OLFM2: variants seen among roughly 807,000 people sequenced by gnomAD.
The protein encoded by OLFM2 is olfactomedin 2.
A neutral mutation model predicts 43.9 loss-of-function variants in OLFM2; 20 were observed. The ratio of observed to expected loss-of-function variants is 0.46; its 90% CI spans 0.32 to 0.66. The LOEUF (loss-of-function observed/expected upper bound fraction) is 0.66, where lower values mean the gene tolerates loss of function less well. Ranked by LOEUF, OLFM2 falls within the 30% of genes least tolerant of loss-of-function variation. The probability of loss-of-function intolerance (pLI) is 0.04; values close to 1 mark genes in which losing one functional copy is unlikely to be tolerated. For missense variants in OLFM2, 416 were observed against 643.6 expected, an observed-to-expected ratio of 0.65 and a Z score of 3.83; for synonymous variants, 268 against 278.6, an observed-to-expected ratio of 0.96 and a Z score of 0.38.
At chr19:9,866,100 AAAAT>A (rs2046400768) in intron 1 of OLFM2, among the ~76,000 whole-genome samples, 1 of 152,200 alleles carries the variant, frequency 6.6e-6, no homozygotes, top group African/African-American at 2.4e-5. Context: ...TGGTTTTCCT[AAAAT>A]AATTGTCTGC....
chr19:9,928,562 A>T (rs2086465981), intron 1 of OLFM2, among the ~76,000 whole-genome samples: 1 of 151,922 alleles, frequency 6.6e-6, no homozygotes, highest in Non-Finnish European at 1.5e-5. Flanking sequence ...CCCAGCACTG[A>T]GGGAGGCCAA....
At chr19:9,898,315 A>G (rs1000935216) in intron 1 of OLFM2, among the ~76,000 whole-genome samples, 2 of 148,528 alleles carry the variant, frequency 1.3e-5, no homozygotes, top group Admixed American at 1.3e-4. Context: ...TGAGGTCAGG[A>G]GTTCGAGACC....
chr19:9,865,480 T>C (rs2046393970), intron 1 of OLFM2, among the ~76,000 whole-genome samples: 1 of 136,084 alleles, frequency 7.3e-6, no homozygotes, highest in Non-Finnish European at 1.6e-5. Flanking sequence ...ACCTCTCTGT[T>C]TTTTCTTTTT....
rs147741664 is a variant in OLFM2 at position 9,934,366 on chromosome 19, C to T, written c.63+1938G>A. On this transcript the variant is annotated intron_variant, in intron 1 of 5. Coordinates refer to ENST00000264833, the MANE Select transcript of OLFM2 (RefSeq NM_058164.4). ...CCCCGTTGTCCTTTAGCCCCGCCTCCACTGACCTCGTTAGTCCCGCCCCCA... is the reference window on the plus strand; with the variant it reads ...CCCCGTTGTCCTTTAGCCCCGCCTCTACTGACCTCGTTAGTCCCGCCCCCA... Among the ~76,000 whole-genome samples, 613 of 152,262 alleles carry T rather than the reference C, an allele frequency of 4.0e-3. 7 individuals are homozygous for T. The highest frequency in any genetic ancestry group is 2.8e-3 in the Non-Finnish European group (190 of 67,992).
chr19:9,870,466 A>G (rs2046433387), intron 1 of OLFM2, among the ~76,000 whole-genome samples: 1 of 152,120 alleles, frequency 6.6e-6, no homozygotes, highest in African/African-American at 2.4e-5. Flanking sequence ...TTTCCAGAAT[A>G]TCTCCTTGCT....
Position 9,857,490 on chromosome 19 carries a change from T to G in OLFM2, c.361-8A>C. The G allele has an allele frequency of 6.2e-7, 1 of 1,613,056 alleles. No individual in the cohort carries two copies. Among genetic ancestry groups the G allele is most frequent in the East Asian group, 2.2e-5 (1 of 44,882 alleles). On this transcript the variant is annotated splice_polypyrimidine_tract_variant and splice_region_variant and intron_variant, in intron 3 of 5. Coordinates refer to ENST00000264833, the MANE Select transcript of OLFM2 (RefSeq NM_058164.4). The surrounding 1 kb of genome is among the most constrained non-coding windows in gnomAD (Gnocchi z 5.7). Reference sequence around the variant, plus strand: ...CATCCTGTCCTTCAGCTCCTGTGCATCAAGATGGAACCATGGCCAAGCCTG... The same window carrying G: ...CATCCTGTCCTTCAGCTCCTGTGCAGCAAGATGGAACCATGGCCAAGCCTG...
At chr19:9,908,115 C>T (rs1354441588) in intron 1 of OLFM2, among the ~76,000 whole-genome samples, 1 of 152,120 alleles carries the variant, frequency 6.6e-6, no homozygotes, top group African/African-American at 2.4e-5. Context: ...CACCTCCTCT[C>T]CCTCTTCCGC....
chr19:9,920,704 T>G (rs2086413790), intron 1 of OLFM2, among the ~76,000 whole-genome samples: 1 of 146,686 alleles, frequency 6.8e-6, no homozygotes, highest in Non-Finnish European at 1.5e-5. Context: ...GAGACCACCC[T>G]GGCCAACATG....
Position 9,854,121 on chromosome 19 carries a change from C to T in OLFM2, c.*65G>A. 1 of 1,446,922 alleles carries T rather than the reference C, an allele frequency of 6.9e-7. No homozygotes were observed. The highest frequency in any genetic ancestry group is 9.7e-7 in the Non-Finnish European group (1 of 1,035,780). 89.6% of individuals were successfully genotyped at this position (1,446,922 alleles called of 1,614,324 possible). On this transcript the variant is annotated 3_prime_UTR_variant, in exon 6 of 6. Transcript: ENST00000264833. The surrounding 1 kb of genome is among the most constrained non-coding windows in gnomAD (Gnocchi z 9.5). Reference sequence around the variant, plus strand: ...AGAGATCACCCTTGAGGGACACAGGCAGAATGAAAAGGGCCCCCAGCCCCC... The same window carrying T: ...AGAGATCACCCTTGAGGGACACAGGTAGAATGAAAAGGGCCCCCAGCCCCC...
At chr19:9,921,587 C>T (rs187396511) in intron 1 of OLFM2, among the ~76,000 whole-genome samples, 1 of 152,082 alleles carries the variant, frequency 6.6e-6, no homozygotes, top group East Asian at 1.9e-4. Flanking sequence ...CTCCCGGGCT[C>T]ATGCCATTCT....
Position 9,877,831 on chromosome 19 carries a change from ATTT to A in OLFM2, c.64-17040_64-17038del, listed in dbSNP as rs113203437. Among the ~76,000 whole-genome samples the A allele has an allele frequency of 1.6e-3, 240 of 150,004 alleles. 1 individual carries two copies. The highest frequency in any genetic ancestry group is 5.6e-3 in the African/African-American group (230 of 40,874). On this transcript the variant is annotated intron_variant, in intron 1 of 5. Transcript: ENST00000264833. Reference sequence around the variant, plus strand: ...CCAGTCTCCAGAACTGGAAAAATAAATTTTTTTTTTTAAGAAAGATTAATTAAT... The same window carrying A: ...CCAGTCTCCAGAACTGGAAAAATAAATTTTTTTTAAGAAAGATTAATTAAT...
chr19:9,934,218 G>A (rs1324512218), intron 1 of OLFM2, among the ~76,000 whole-genome samples: 1 of 152,140 alleles, frequency 6.6e-6, no homozygotes, highest in African/African-American at 2.4e-5. Flanking sequence ...CGCCAAGGGG[G>A]TGTATGGGGC....
At chr19:9,889,895 G>C (rs1440214019) in intron 1 of OLFM2, among the ~76,000 whole-genome samples, 1 of 151,180 alleles carries the variant, frequency 6.6e-6, no homozygotes, top group African/African-American at 2.4e-5. Flanking sequence ...GTTATTTATA[G>C]ACGAATCCTG....
chr19:9,857,925 C>T lies in OLFM2; in HGVS notation c.214-64G>A. 1.2e-6 allele frequency: 2 copies of T among 1,602,176 alleles called. No homozygotes were observed. Among genetic ancestry groups the T allele is most frequent in the Admixed American group, 3.3e-5 (2 of 59,742 alleles). Reference sequence around the variant, plus strand: ...CCCAAATCCCAACCCAGAGATGCCACAGACAAGAGCTGGCAGGAACAGAGG... The same window carrying T: ...CCCAAATCCCAACCCAGAGATGCCATAGACAAGAGCTGGCAGGAACAGAGG... On this transcript the variant is annotated intron_variant, in intron 2 of 5. Transcript: ENST00000264833. This position sits in a 1 kb window ranked among gnomAD's most constrained non-coding sequence, Gnocchi z 5.7.
chr19:9,874,686 G>C lies in OLFM2; in HGVS notation c.64-13892C>G, dbSNP rs948373122. On this transcript the variant is annotated intron_variant, in intron 1 of 5. Transcript: ENST00000264833. ...AGTAGAGATGGGGTTTCACCATGTT[G>C]GCCAGGCTGGTCTCAAATTGCTGAC... Among the ~76,000 whole-genome samples, 3 of 152,060 alleles carry C rather than the reference G, an allele frequency of 2.0e-5. No homozygotes were observed. In the South Asian group the frequency reaches 6.2e-4, roughly 32 times the overall value.
intron 1 of OLFM2, among the ~76,000 whole-genome samples, chr19:9,889,275 G>T (rs2046617552): frequency 6.6e-6 from 1 of 151,902 alleles, no homozygotes; most frequent in South Asian, 2.1e-4. Flanking sequence ...TTTGAGATAG[G>T]CTCTTGCTCT....
At chr19:9,925,220 G>A (rs1400064037) in intron 1 of OLFM2, among the ~76,000 whole-genome samples, 7 of 152,020 alleles carry the variant, frequency 4.6e-5, no homozygotes, top group East Asian at 1.9e-4. Flanking sequence ...TCACACCACC[G>A]CACTCTAGCC....
chr19:9,872,811 C>T (rs911129309), intron 1 of OLFM2, among the ~76,000 whole-genome samples: 1 of 152,056 alleles, frequency 6.6e-6, no homozygotes, highest in Non-Finnish European at 1.5e-5. Context: ...TTCATTCATC[C>T]ATTCACTCGT....
At chr19:9,899,867 G>A (rs551584427) in intron 1 of OLFM2, among the ~76,000 whole-genome samples, 33 of 150,730 alleles carry the variant, frequency 2.2e-4, no homozygotes, top group South Asian at 1.1e-3. Context: ...CACCCCCGCC[G>A]GATACTGTTT....
Sources: gnomAD v4.1 joint callset for allele counts (sites outside exome capture counted in the v4.1 genomes callset) on GRCh38, gnomAD v4.1.1 for gene constraint, Gnocchi (gnomAD v3.1) non-coding constraint, MANE v1.5 for transcripts, NCBI Gene and HGNC (gene_info 2026-07-23, HGNC 2026-07-21) for gene names.